GRAMD1A: variants seen among roughly 807,000 people sequenced by gnomAD.
GRAMD1A encodes the protein GRAM domain containing 1A.
In GRAMD1A, 50 loss-of-function variants were observed where a neutral mutation model predicts 92.0. The observed-to-expected ratio is 0.54, with a 90% CI of 0.43 to 0.69. The LOEUF (loss-of-function observed/expected upper bound fraction) is 0.69. GRAMD1A is among the 30% of genes least tolerant of loss of function. GRAMD1A has a pLI of 0.00. For missense variants in GRAMD1A, 819 were observed against 978.9 expected (o/e 0.84, Z 2.18); for synonymous variants, 405 against 403.6 (o/e 1.00, Z -0.04).
At position 35,000,783 on chromosome 19, in the gene GRAMD1A, G is replaced by A. The variant is rs545172392; in HGVS notation, c.8+297G>A. Among the ~76,000 whole-genome samples the A allele has an allele frequency of 5.6e-3, 860 of 152,228 alleles. 9 individuals carry two copies. The highest frequency in any genetic ancestry group is 0.019 in the African/African-American group (805 of 41,548). Reference sequence around the variant, plus strand: ...CTGGGGGCCCGCGGGTTCATCTGGCGGGGAGGGCCCTCAGGCCTGGCAACC... The same window carrying A: ...CTGGGGGCCCGCGGGTTCATCTGGCAGGGAGGGCCCTCAGGCCTGGCAACC... On this transcript the variant is annotated intron_variant, in intron 1 of 19. Coordinates refer to ENST00000317991, the MANE Select transcript of GRAMD1A (RefSeq NM_020895.5). The surrounding 1 kb of genome is among the most constrained non-coding windows in gnomAD (Gnocchi z 4.9).
chr19:34,996,431 A>T (rs747977890), upstream of GRAMD1A: 3 of 641,980 alleles, frequency 4.7e-6, no homozygotes, highest in Non-Finnish European at 5.2e-6. Flanking sequence ...CACGAAACAG[A>T]TGCACAAACA....
At chr19:35,025,822 AAC>A (rs1600352127) in intron 19 of GRAMD1A, among the ~76,000 whole-genome samples, 1 of 152,118 alleles carries the variant, frequency 6.6e-6, no homozygotes, top group East Asian at 1.9e-4. Flanking sequence ...CCAGGATTTG[AAC>A]CTAGGCCATC....
At chr19:35,003,061 G>GGGGT (rs148550515) in intron 1 of GRAMD1A, among the ~76,000 whole-genome samples, 5 of 142,232 alleles carry the variant, frequency 3.5e-5, no homozygotes, top group South Asian at 2.3e-4. Flanking sequence ...CAATGCTGCA[G>GGGGT]GTGTGTGTGT....
upstream of GRAMD1A, chr19:34,999,995 G>C: frequency 2.0e-6 from 2 of 984,590 alleles, no homozygotes; most frequent in Non-Finnish European, 2.4e-6. Context: ...TTCCTCCCTG[G>C]GAGGTCCAGG....
upstream of GRAMD1A, chr19:34,996,405 A>T: frequency 1.2e-6 from 1 of 804,712 alleles, no homozygotes; most frequent in Non-Finnish European, 1.9e-6. Context: ...AGCCCCACAG[A>T]GGGCTGACTC....
At position 35,013,103 on chromosome 19, in the gene GRAMD1A, C is replaced by A. The variant is rs887859618; in HGVS notation, c.607-153C>A. 5.1e-6 allele frequency: 3 copies of A among 583,558 alleles called. No homozygotes were observed. The highest frequency in any genetic ancestry group is 5.8e-5 in the Admixed American group (2 of 34,366). The allele number at this position is 583,558 out of a possible 1,614,324, so 36.1% of individuals were successfully genotyped here. A position where few individuals can be genotyped will look rare whatever the true frequency, so the allele number is the denominator to read the frequency against. ...TGGAGGGGCTGTAGCAGGGGATTCC[C>A]CGCTTGCTGAGGCCAGGTCTGGTGC... On this transcript the variant is annotated intron_variant, in intron 7 of 19. Transcript: ENST00000317991. The surrounding 1 kb of genome is among the most constrained non-coding windows in gnomAD (Gnocchi z 4.9).
chr19:35,005,587 A>G (rs558205006), intron 1 of GRAMD1A, among the ~76,000 whole-genome samples: 41 of 152,194 alleles, frequency 2.7e-4, no homozygotes, highest in African/African-American at 9.6e-4. Context: ...ACCAGGGAGG[A>G]GGCTGCTGGG....
chr19:35,016,884 G>A (rs1397364979), intron 11 of GRAMD1A, among the ~76,000 whole-genome samples: 2 of 136,192 alleles, frequency 1.5e-5, no homozygotes, highest in Admixed American at 1.6e-4. Context: ...CAGCCTGGGC[G>A]ACAGAGCGAG....
chr19:35,009,600 G>T, intron 3 of GRAMD1A, 157 bp downstream of exon 3: 1 of 798,496 alleles, frequency 1.3e-6, no homozygotes, highest in Non-Finnish European at 2.1e-6. Flanking sequence ...GTGTGACCTT[G>T]GGTGAGTTAC....
At chr19:35,010,505 T>TC in intron 6 of GRAMD1A, 126 bp downstream of exon 6, 1 of 687,670 alleles carries the variant, frequency 1.5e-6, no homozygotes, top group Non-Finnish European at 2.6e-6. Context: ...CTCTCTGTTC[T>TC]CCCGGCCCAG....
At chr19:35,014,717 G>C (rs187867649) in intron 10 of GRAMD1A, 1 of 373,088 alleles carries the variant, frequency 2.7e-6, no homozygotes, top group Admixed American at 3.8e-5. Flanking sequence ...CCACTTCATA[G>C]GATTGTTGTT....
In GRAMD1A at chr19:35,023,243, A is replaced by G. The variant is rs557724457; in HGVS notation, c.1861A>G (p.Ile621Val). ...TCTGACCCCTGTCCCCAGCCTTATC[A>G]TCCTCATCGCCCTCAACGTCCTGCT... ...ISIVICVSLI[I>V]LIALNVLLFY... The change falls in exon 18 of 20, where the codon ATC becomes GTC. Residue 621 changes from isoleucine (I) to valine (V), a missense_variant. Physicochemically the swap from Ile to Val is conservative, Grantham distance 29. This residue lies in a region of GRAMD1A where 577 missense variants were observed against 674.6 expected (regional missense o/e 0.86). Coordinates refer to ENST00000317991, the MANE Select transcript of GRAMD1A (RefSeq NM_020895.5). 16 of 1,613,568 alleles carry G rather than the reference A, an allele frequency of 9.9e-6. No individual in the cohort carries two copies. The Admixed American group carries it at 2.0e-4, about 20-fold the overall frequency.
intron 10 of GRAMD1A, chr19:35,015,332 G>A (rs1053723914): frequency 1.3e-5 from 2 of 153,834 alleles, no homozygotes; most frequent in Admixed American, 1.3e-4. Context: ...ATGGGGCAGA[G>A]ATGGCCTCAG....
intron 1 of GRAMD1A, among the ~76,000 whole-genome samples, chr19:35,003,587 C>G (rs892614903): frequency 5.9e-5 from 9 of 152,214 alleles, no homozygotes; most frequent in African/African-American, 1.7e-4. Flanking sequence ...CAGGCCCTGC[C>G]CCTAGATCTG....
intron 1 of GRAMD1A, among the ~76,000 whole-genome samples, chr19:35,005,592 G>C (rs1030803844): frequency 6.6e-6 from 1 of 152,162 alleles, no homozygotes; most frequent in South Asian, 2.1e-4. Flanking sequence ...GGAGGAGGCT[G>C]CTGGGATGGC....
Position 35,026,086 on chromosome 19 carries a change from C to T in GRAMD1A, c.2120C>T (p.Thr707Ile), listed in dbSNP as rs2016416074. ...FSLEKLHQGI[T>I]VSDPPFDTQP... The stretch of plus-strand genomic sequence containing the variant: ...CTGGAGAAGCTGCACCAAGGCATCA[C>T]AGTCTCAGACCCTCCCTTTGACACC... The change falls in exon 20 of 20, where the codon ACA becomes ATA. Residue 707 changes from threonine (T) to isoleucine (I), a missense_variant. Physicochemically the swap from Thr to Ile is moderately conservative, Grantham distance 89. Around this residue, in one of 3 missense-constraint regions of GRAMD1A, gnomAD observed 577 missense variants for 674.6 expected, o/e 0.86. Coordinates refer to ENST00000317991, the MANE Select transcript of GRAMD1A (RefSeq NM_020895.5). 1 of 1,607,222 alleles carries T rather than the reference C, an allele frequency of 6.2e-7. No individual in the cohort carries two copies. The highest frequency in any genetic ancestry group is 8.5e-7 in the Non-Finnish European group (1 of 1,173,718).
chr19:35,003,540 C>A (rs12973913), intron 1 of GRAMD1A, among the ~76,000 whole-genome samples: 636 of 152,338 alleles, frequency 4.2e-3, no homozygotes, highest in Non-Finnish European at 6.5e-3. Context: ...CCTGCCCTGT[C>A]TGTGTGCCTT....
chr19:35,009,527 G>T, intron 3 of GRAMD1A, 84 bp downstream of exon 3: 6 of 1,416,018 alleles, frequency 4.2e-6, no homozygotes, highest in Non-Finnish European at 6.0e-6. Flanking sequence ...CAGTCAAGGA[G>T]TGCGTGCTGA....
At chr19:35,023,197 T>C in intron 17 of GRAMD1A, 39 bp from the exon 18 acceptor site, 1 of 1,454,048 alleles carries the variant, frequency 6.9e-7, no homozygotes, top group Middle Eastern at 1.7e-4. Flanking sequence ...TCAGAGCATC[T>C]AGACCCCAGG....
Sources: gnomAD v4.1 joint callset for allele counts (sites outside exome capture counted in the v4.1 genomes callset) on GRCh38, gnomAD v4.1.1 for gene constraint, gnomAD v4.1.1 regional missense constraint, Gnocchi (gnomAD v3.1) non-coding constraint, MANE v1.5 for transcripts, NCBI Gene and HGNC (gene_info 2026-07-23, HGNC 2026-07-21) for gene names.